ADCY2: variants seen among roughly 807,000 people sequenced by gnomAD.
ADCY2 encodes the protein adenylate cyclase type 2.
A neutral mutation model predicts 125.2 loss-of-function variants in ADCY2; 31 were observed. The ratio of observed to expected loss-of-function variants is 0.25; its 90% CI spans 0.19 to 0.33. ADCY2 has a LOEUF of 0.33. Ranked by LOEUF, ADCY2 falls within the 10% of genes least tolerant of loss-of-function variation. The probability of loss-of-function intolerance (pLI) is 1.00; values close to 1 mark genes in which losing one functional copy is unlikely to be tolerated. For synonymous variants in ADCY2, 512 were observed against 548.4 expected, an observed-to-expected ratio of 0.93 and a Z score of 0.93; for missense variants, 904 against 1,418.2, an observed-to-expected ratio of 0.64 and a Z score of 5.82.
At position 7,802,175 on chromosome 5, in the gene ADCY2, G is replaced by A. The variant is rs1341563178; in HGVS notation, c.2629-43G>A. 3.1e-6 allele frequency: 5 copies of A among 1,592,496 alleles called. No individual in the cohort carries two copies. In the Middle Eastern group the frequency reaches 6.4e-4, roughly 204 times the overall value. ...TGCCTGTGGAGTGTTTCTGTTTAAAGGTCAGTCTCCTAGTGATCAGCTCTT... is the reference window on the plus strand; with the variant it reads ...TGCCTGTGGAGTGTTTCTGTTTAAAAGTCAGTCTCCTAGTGATCAGCTCTT... On this transcript the variant is annotated intron_variant, in intron 20 of 24. Coordinates refer to ENST00000338316, the MANE Select transcript of ADCY2 (RefSeq NM_020546.3). This position sits in a 1 kb window ranked among gnomAD's most constrained non-coding sequence, Gnocchi z 4.6.
At chr5:7,558,547 T>C (rs1301391426) in intron 3 of ADCY2, among the ~76,000 whole-genome samples, 1 of 152,198 alleles carries the variant, frequency 6.6e-6, no homozygotes, top group African/African-American at 2.4e-5. Context: ...GTTTTTTTCT[T>C]GTACATTTGT....
chr5:7,721,318 T>C (rs1379456529), intron 12 of ADCY2, among the ~76,000 whole-genome samples: 2 of 152,242 alleles, frequency 1.3e-5, no homozygotes, highest in Non-Finnish European at 2.9e-5. Context: ...GATGGGTAGA[T>C]TATAAAAATT....
At chr5:7,602,995 A>T (rs1024439225) in intron 3 of ADCY2, among the ~76,000 whole-genome samples, 2 of 152,168 alleles carry the variant, frequency 1.3e-5, no homozygotes, top group African/African-American at 4.8e-5. Flanking sequence ...TCATGTCTGG[A>T]GGAGCCCATT....
At chr5:7,748,100 G>T (rs1237086724) in intron 15 of ADCY2, among the ~76,000 whole-genome samples, 3 of 152,160 alleles carry the variant, frequency 2.0e-5, no homozygotes, top group Admixed American at 2.0e-4. Context: ...AGACACCTCT[G>T]CCTCAGGTGC....
chr5:7,730,229 G>T (rs1742059751), intron 14 of ADCY2, among the ~76,000 whole-genome samples: 1 of 151,982 alleles, frequency 6.6e-6, no homozygotes, highest in Non-Finnish European at 1.5e-5. Context: ...TATTTTTTTG[G>T]CAGAGTAATT....
At position 7,802,312 on chromosome 5, in the gene ADCY2, A is replaced by T; in HGVS notation, c.2723A>T (p.Glu908Val). Reference sequence around the variant, plus strand: ...TATACAGAATCCGACGTGAACAAGGAGGGCTTGGAATGCCTTCGGCTCCTG... The same window carrying T: ...TATACAGAATCCGACGTGAACAAGGTGGGCTTGGAATGCCTTCGGCTCCTG... ...EFYTESDVNK[E>V]GLECLRLLNE... The change falls in exon 21 of 25, where the codon GAG becomes GTG. Residue 908 changes from glutamate to valine, a missense_variant. Physicochemically the swap from Glu to Val is moderately radical, Grantham distance 121. Around this residue, in one of 7 missense-constraint regions of ADCY2, gnomAD observed 181 missense variants for 381.6 expected, o/e 0.47. Coordinates refer to ENST00000338316, the MANE Select transcript of ADCY2 (RefSeq NM_020546.3). This position sits in a 1 kb window ranked among gnomAD's most constrained non-coding sequence, Gnocchi z 4.6. 6.2e-7 allele frequency: 1 copy of T among 1,614,186 alleles called. No individual in the cohort carries two copies. The highest frequency in any genetic ancestry group is 8.5e-7 in the Non-Finnish European group (1 of 1,180,034).
chr5:7,595,163 A>G (rs1293854185), intron 3 of ADCY2, among the ~76,000 whole-genome samples: 1 of 152,200 alleles, frequency 6.6e-6, no homozygotes, highest in Non-Finnish European at 1.5e-5. Context: ...CAAACACCTG[A>G]TCACACCCCA....
intron 3 of ADCY2, among the ~76,000 whole-genome samples, chr5:7,521,765 C>T (rs1744454291): frequency 1.3e-5 from 2 of 152,222 alleles, no homozygotes; most frequent in South Asian, 2.1e-4. Context: ...AGTGAAGGCT[C>T]ACTCTTGAGT....
intron 14 of ADCY2, among the ~76,000 whole-genome samples, chr5:7,735,599 A>G (rs1009220680): frequency 6.6e-6 from 1 of 152,166 alleles, no homozygotes; most frequent in Admixed American, 6.5e-5. Context: ...TTTTTCTTCT[A>G]TTCTATTAAT....
chr5:7,792,820 C>A (rs984895253), intron 20 of ADCY2, among the ~76,000 whole-genome samples: 1 of 152,234 alleles, frequency 6.6e-6, no homozygotes, highest in African/African-American at 2.4e-5. Context: ...TCGCCGTCCT[C>A]ATCCATAAAA....
chr5:7,724,738 T>G, intron 13 of ADCY2, 124 bp downstream of exon 13: 1 of 683,172 alleles, frequency 1.5e-6, no homozygotes, highest in Non-Finnish European at 2.5e-6. Flanking sequence ...TCGAACTCTT[T>G]CTGGCTTTTC....
intron 14 of ADCY2, among the ~76,000 whole-genome samples, chr5:7,736,551 T>C (rs1205562375): frequency 6.6e-6 from 1 of 152,176 alleles, no homozygotes; most frequent in Non-Finnish European, 1.5e-5. Flanking sequence ...GGTCATCAGA[T>C]ACATTCACAA....
At chr5:7,572,163 G>A (rs1179192722) in intron 3 of ADCY2, among the ~76,000 whole-genome samples, 2 of 152,134 alleles carry the variant, frequency 1.3e-5, no homozygotes, top group African/African-American at 2.4e-5. Flanking sequence ...CCTAGTAATG[G>A]GATTGCTGGG....
chr5:7,694,379 T>C (rs974440419), intron 5 of ADCY2, among the ~76,000 whole-genome samples: 3 of 152,096 alleles, frequency 2.0e-5, no homozygotes, highest in Admixed American at 6.6e-5. Context: ...ATATTATCCA[T>C]CTCCAGAACT....
intron 4 of ADCY2, among the ~76,000 whole-genome samples, chr5:7,688,929 AG>A (rs1367610276): frequency 2.0e-5 from 3 of 152,208 alleles, no homozygotes; most frequent in Non-Finnish European, 2.9e-5. Context: ...CAGAGGCCAA[AG>A]CATAGAGAAA....
intron 1 of ADCY2, among the ~76,000 whole-genome samples, chr5:7,398,966 G>T (rs1739162068): frequency 6.6e-6 from 1 of 152,220 alleles, no homozygotes; most frequent in African/African-American, 2.4e-5. Context: ...ATAGGGCTAA[G>T]GTAAAGCTGT....
chr5:7,748,866 GT>G (rs1742716758), intron 15 of ADCY2, among the ~76,000 whole-genome samples: 1 of 152,192 alleles, frequency 6.6e-6, no homozygotes, highest in Admixed American at 6.5e-5. Context: ...CCATTTGACA[GT>G]TTAATAGAAC....
intron 22 of ADCY2, among the ~76,000 whole-genome samples, chr5:7,809,012 G>C (rs112359716): frequency 2.0e-4 from 31 of 152,248 alleles, no homozygotes; most frequent in African/African-American, 6.0e-4. Context: ...GTTACCTTAC[G>C]CATGAAATGG....
Position 7,816,726 on chromosome 5 carries a change from T to C in ADCY2, c.2884-140T>C, listed in dbSNP as rs1745123984. 33 of 655,522 alleles carry C rather than the reference T, an allele frequency of 5.0e-5. No homozygotes were observed. The South Asian group carries it at 6.0e-4, about 12-fold the overall frequency. 40.6% of individuals were successfully genotyped at this position (655,522 alleles called of 1,614,324 possible). ...GCTTCCTTGAGATGGGATTTGATTC[T>C]TATAGAATGTTTGCAGTGCCTTGTA... On this transcript the variant is annotated intron_variant, in intron 22 of 24. Transcript: ENST00000338316.
Sources: allele counts gnomAD v4.1 joint callset (sites outside exome capture counted in the v4.1 genomes callset), GRCh38; gene constraint gnomAD v4.1.1; regional missense constraint gnomAD v4.1.1; non-coding constraint Gnocchi (gnomAD v3.1); transcripts MANE v1.5; gene names NCBI Gene and HGNC (gene_info 2026-07-23, HGNC 2026-07-21).